The following RNF13 variants were observed in gnomAD, a reference collection of about 807,000 sequenced individuals.
RNF13 encodes the protein ring finger protein 13.
Under a neutral mutation model 37.7 loss-of-function variants are expected in RNF13, and 19 were observed. The ratio of observed to expected loss-of-function variants is 0.50; its 90% CI spans 0.35 to 0.74. The LOEUF (loss-of-function observed/expected upper bound fraction) is 0.74, where lower values mean the gene tolerates loss of function less well. Ranked by LOEUF, RNF13 falls within the 30% of genes least tolerant of loss-of-function variation. The probability of loss-of-function intolerance (pLI) is 0.01; values close to 1 mark genes in which losing one functional copy is unlikely to be tolerated. For missense variants in RNF13, 375 were observed against 453.0 expected (o/e 0.83, Z 1.56); for synonymous variants, 144 against 157.8 (o/e 0.91, Z 0.65).
Position 149,845,902 on chromosome 3 carries a change from T to C in RNF13, c.-16-109T>C, listed in dbSNP as rs553789484. The C allele has an allele frequency of 1.0e-5, 6 of 581,338 alleles. No homozygotes were observed. In the South Asian group the frequency reaches 1.4e-4, roughly 14 times the overall value. The allele number at this position is 581,338 out of a possible 1,614,324, so 36.0% of individuals were successfully genotyped here. On this transcript the variant is annotated intron_variant, in intron 1 of 9. Transcript: ENST00000392894. ...AAGCTTTACTTTTAATGTTAATACA[T>C]GTTTATAATTAAAAGGGATATTTTT...
At chr3:149,825,902 T>C (rs1355047384) in intron 1 of RNF13, among the ~76,000 whole-genome samples, 1 of 152,238 alleles carries the variant, frequency 6.6e-6, no homozygotes, top group East Asian at 1.9e-4. Context: ...TTCATCACTC[T>C]TAGAAGTTTC....
At chr3:149,880,213 A>G (rs1022158070) in intron 4 of RNF13, among the ~76,000 whole-genome samples, 5 of 152,304 alleles carry the variant, frequency 3.3e-5, no homozygotes, top group Non-Finnish European at 7.4e-5. Context: ...CTCTTGTTGC[A>G]CAGAAAGTTA....
chr3:149,926,062 C>G (rs1426089483), intron 8 of RNF13, among the ~76,000 whole-genome samples: 2 of 152,154 alleles, frequency 1.3e-5, no homozygotes, highest in East Asian at 3.8e-4. Flanking sequence ...GGGAGGAATT[C>G]TTTATATGTT....
At chr3:149,826,528 G>A (rs375466489) in intron 1 of RNF13, among the ~76,000 whole-genome samples, 2 of 152,112 alleles carry the variant, frequency 1.3e-5, no homozygotes, top group African/African-American at 2.4e-5. Flanking sequence ...ATATTTTGCT[G>A]TGTAAAAGTA....
At chr3:149,852,916 A>G (rs527929862) in intron 3 of RNF13, among the ~76,000 whole-genome samples, 2 of 151,986 alleles carry the variant, frequency 1.3e-5, no homozygotes, top group South Asian at 4.1e-4. Context: ...ACACATTTAC[A>G]TATATATGTA....
chr3:149,950,021 A>G (rs1393762296), intron 8 of RNF13, among the ~76,000 whole-genome samples: 1 of 151,818 alleles, frequency 6.6e-6, no homozygotes, highest in African/African-American at 2.4e-5. Context: ...GTAAGTTTCT[A>G]GTGACATGTC....
chr3:149,829,773 A>T (rs1720862348), intron 1 of RNF13, among the ~76,000 whole-genome samples: 1 of 152,146 alleles, frequency 6.6e-6, no homozygotes, highest in South Asian at 2.1e-4. Flanking sequence ...ATAGTATGTG[A>T]TATGGTTTGG....
intron 4 of RNF13, among the ~76,000 whole-genome samples, chr3:149,885,356 A>G (rs1342123417): frequency 2.6e-5 from 4 of 152,152 alleles, no homozygotes; most frequent in African/African-American, 9.7e-5. Flanking sequence ...AACAGTGTAC[A>G]GGGTTCCCTT....
chr3:149,919,950 T>C (rs1251255044), intron 7 of RNF13, among the ~76,000 whole-genome samples: 3 of 152,220 alleles, frequency 2.0e-5, no homozygotes, highest in Non-Finnish European at 4.4e-5. Context: ...ATAGGTATAT[T>C]GTATTATAGT....
rs1309024691 is a variant in RNF13 at position 149,845,822 on chromosome 3, A to G, written c.-16-189A>G. On this transcript the variant is annotated intron_variant, in intron 1 of 9. Coordinates refer to ENST00000392894, the MANE Select transcript of RNF13 (RefSeq NM_183381.3). The stretch of plus-strand genomic sequence containing the variant: ...TGAGTTACATAGGTATTGACTAAAC[A>G]TGGGTGTTTACCTAAATGTCCAAAT... 4 of 485,116 alleles carry G rather than the reference A, an allele frequency of 8.2e-6. No homozygotes were observed. The East Asian group carries it at 1.3e-4, about 16-fold the overall frequency. 30.1% of individuals were successfully genotyped at this position (485,116 alleles called of 1,614,324 possible). A position where few individuals can be genotyped will look rare whatever the true frequency, so the allele number is the denominator to read the frequency against.
intron 4 of RNF13, among the ~76,000 whole-genome samples, chr3:149,892,109 C>T (rs1252360362): frequency 2.6e-5 from 4 of 152,178 alleles, no homozygotes; most frequent in Non-Finnish European, 5.9e-5. Flanking sequence ...AAACATGCAT[C>T]TATTTTTTGG....
chr3:149,901,308 C>T (rs950709938), intron 5 of RNF13, among the ~76,000 whole-genome samples: 10 of 152,216 alleles, frequency 6.6e-5, no homozygotes, highest in Non-Finnish European at 1.0e-4. Flanking sequence ...TCTCTAAAGC[C>T]AAATGTGTTA....
At chr3:149,873,705 T>TA (rs764947738) in intron 4 of RNF13, among the ~76,000 whole-genome samples, 1 of 152,212 alleles carries the variant, frequency 6.6e-6, no homozygotes, top group African/African-American at 2.4e-5. Flanking sequence ...CTGAGGATGT[T>TA]ACCTCCTCAG....
At chr3:149,947,634 T>C (rs1720896093) in intron 8 of RNF13, among the ~76,000 whole-genome samples, 1 of 152,076 alleles carries the variant, frequency 6.6e-6, no homozygotes, top group South Asian at 2.1e-4. Flanking sequence ...TCCTGACCTC[T>C]GGTGATCCGA....
Position 149,961,039 on chromosome 3 carries a change from C to G in RNF13, c.1081C>G (p.His361Asp). 1 of 1,614,002 alleles carries G rather than the reference C, an allele frequency of 6.2e-7. No individual in the cohort carries two copies. Among genetic ancestry groups the G allele is most frequent in the South Asian group, 1.1e-5 (1 of 91,066 alleles). ...SSDAENEINE[H>D]DVVVQLQPNG... ...TGATGCAGAAAATGAAATTAATGAA[C>G]ATGATGTCGTGGTCCAGTTGCAGCC... The change falls in exon 10 of 10, where the codon CAT (histidine) becomes GAT (aspartate). Residue 361 changes from histidine (H) to aspartate (D), a missense_variant. Transcript: ENST00000392894.
At chr3:149,903,654 C>G (rs934289839) in intron 6 of RNF13, among the ~76,000 whole-genome samples, 1 of 152,020 alleles carries the variant, frequency 6.6e-6, no homozygotes, top group Non-Finnish European at 1.5e-5. Flanking sequence ...CTCTCTTATC[C>G]CACCTCTTGG....
At chr3:149,956,212 AG>A (rs1721847890) in intron 8 of RNF13, among the ~76,000 whole-genome samples, 1 of 152,182 alleles carries the variant, frequency 6.6e-6, no homozygotes, top group Non-Finnish European at 1.5e-5. Context: ...AGATCACTCT[AG>A]GTGCTAAAAA....
chr3:149,882,973 A>G (rs1216645284), intron 4 of RNF13, among the ~76,000 whole-genome samples: 4 of 152,284 alleles, frequency 2.6e-5, no homozygotes, highest in African/African-American at 7.2e-5. Context: ...GTTTTTTCTT[A>G]AACAGTTTTA....
intron 4 of RNF13, among the ~76,000 whole-genome samples, chr3:149,878,135 T>C (rs1712964292): frequency 6.6e-6 from 1 of 152,168 alleles, no homozygotes; most frequent in Admixed American, 6.5e-5. Context: ...AAACATTCTT[T>C]TGCTTCAGAA....
Sources: gnomAD v4.1 joint callset for allele counts (sites outside exome capture counted in the v4.1 genomes callset) on GRCh38, gnomAD v4.1.1 for gene constraint, MANE v1.5 for transcripts, NCBI Gene and HGNC (gene_info 2026-07-23, HGNC 2026-07-21) for gene names.